KCNQ5: variants seen among roughly 807,000 people sequenced by gnomAD.
KCNQ5 encodes the protein potassium voltage-gated channel subfamily Q member 5, also known as potassium voltage-gated channel subfamily KQT member 5.
In KCNQ5, 30 loss-of-function variants were observed where a neutral mutation model predicts 98.2. The ratio of observed to expected loss-of-function variants is 0.31; its 90% CI spans 0.23 to 0.41. The LOEUF (loss-of-function observed/expected upper bound fraction) is 0.41, where lower values mean the gene tolerates loss of function less well. Ranked by LOEUF, KCNQ5 falls within the 10% of genes least tolerant of loss-of-function variation. The pLI is 1.00. For missense variants in KCNQ5, 835 were observed against 1,182.5 expected, an observed-to-expected ratio of 0.71 and a Z score of 4.31; for synonymous variants, 458 against 449.4, an observed-to-expected ratio of 1.02 and a Z score of -0.24.
intron 1 of KCNQ5, among the ~76,000 whole-genome samples, chr6:72,732,039 G>A (rs564179119): frequency 2.0e-5 from 3 of 152,314 alleles, no homozygotes; most frequent in South Asian, 4.1e-4. Flanking sequence ...GTGTTCAAGA[G>A]TAATTGAATC....
chr6:73,016,581 T>C lies in KCNQ5; in HGVS notation c.489+12583T>C, dbSNP rs542017711. Among the ~76,000 whole-genome samples the C allele has an allele frequency of 4.6e-5, 7 of 152,202 alleles. No homozygotes were observed. In the South Asian group the frequency reaches 1.2e-3, roughly 27 times the overall value. The stretch of plus-strand genomic sequence containing the variant: ...ATTCAGACAATATGCAGGACCTGAC[T>C]TTAGAATGGACTAGAGCAGAGAGTA... On this transcript the variant is annotated intron_variant, in intron 2 of 13. Coordinates refer to ENST00000370398, the MANE Select transcript of KCNQ5 (RefSeq NM_019842.4).
At chr6:73,050,125 G>A (rs1386278025) in intron 3 of KCNQ5, among the ~76,000 whole-genome samples, 1 of 152,136 alleles carries the variant, frequency 6.6e-6, no homozygotes, top group Non-Finnish European at 1.5e-5. Flanking sequence ...GCTGATAGGA[G>A]AAGGTAACTT....
chr6:72,690,952 G>T (rs1177216672), intron 1 of KCNQ5, among the ~76,000 whole-genome samples: 1 of 151,862 alleles, frequency 6.6e-6, no homozygotes, highest in Non-Finnish European at 1.5e-5. Flanking sequence ...ATTTCCTAAA[G>T]AATTGTTATA....
chr6:72,740,964 C>T (rs1290487643), intron 1 of KCNQ5, among the ~76,000 whole-genome samples: 1 of 152,094 alleles, frequency 6.6e-6, no homozygotes, highest in East Asian at 1.9e-4. Context: ...GTGTAATGAC[C>T]CTTGGTGCCA....
At chr6:73,045,091 G>A (rs1210028436) in intron 3 of KCNQ5, among the ~76,000 whole-genome samples, 2 of 152,120 alleles carry the variant, frequency 1.3e-5, no homozygotes, top group Non-Finnish European at 2.9e-5. Context: ...CCAATTGATA[G>A]AGGTTTTATG....
intron 1 of KCNQ5, among the ~76,000 whole-genome samples, chr6:72,857,459 C>G (rs1777580155): frequency 2.0e-5 from 3 of 152,106 alleles, no homozygotes; most frequent in African/African-American, 7.2e-5. Flanking sequence ...TGACTATATG[C>G]TTCTAATGTC....
At position 73,133,610 on chromosome 6, in the gene KCNQ5, C is replaced by G. The variant is rs756204149; in HGVS notation, c.1437C>G (p.Leu479=). ...CCCGCTTCCGGCCCTCGCTGCGCCT[C>G]AAAAGTTCTCAGCCAAAACCAGTGA... ...DRTRFRPSLR[L]KSSQPKPVID... Residue 479 remains leucine, a synonymous_variant, in exon 10 of 14, where the codon CTC becomes CTG. Coordinates refer to ENST00000370398, the MANE Select transcript of KCNQ5 (RefSeq NM_019842.4). The G allele has an allele frequency of 8.7e-6, 14 of 1,614,086 alleles. No homozygotes were observed. The highest frequency in any genetic ancestry group is 1.3e-5 in the African/African-American group (1 of 74,926).
chr6:72,983,653 A>T (rs577025888), intron 1 of KCNQ5, among the ~76,000 whole-genome samples: 12 of 152,230 alleles, frequency 7.9e-5, no homozygotes, highest in Middle Eastern at 3.4e-3. Context: ...GTTATTACCA[A>T]CCTTCTGAAG....
At chr6:73,011,913 A>C (rs1770078840) in intron 2 of KCNQ5, among the ~76,000 whole-genome samples, 1 of 152,066 alleles carries the variant, frequency 6.6e-6, no homozygotes, top group South Asian at 2.1e-4. Flanking sequence ...TCAAAACTAC[A>C]CTGAGTACCA....
intron 1 of KCNQ5, among the ~76,000 whole-genome samples, chr6:72,672,171 A>G (rs1308895367): frequency 1.3e-5 from 2 of 149,238 alleles, no homozygotes; most frequent in Non-Finnish European, 3.0e-5. Context: ...GCTGGAGTGC[A>G]GTGACATGAT....
intron 5 of KCNQ5, among the ~76,000 whole-genome samples, chr6:73,078,230 A>G (rs1773614712): frequency 6.6e-6 from 1 of 151,906 alleles, no homozygotes; most frequent in African/African-American, 2.4e-5. Flanking sequence ...TAAATGATCA[A>G]TTGTTGCATT....
intron 1 of KCNQ5, chr6:72,986,433 C>G: frequency 2.2e-6 from 1 of 460,572 alleles, no homozygotes. Context: ...GGTCAAAGAA[C>G]CAGAGACTCA....
At chr6:72,848,838 T>TGA (rs1172140239) in intron 1 of KCNQ5, among the ~76,000 whole-genome samples, 2 of 152,312 alleles carry the variant, frequency 1.3e-5, no homozygotes, top group Admixed American at 1.3e-4. Flanking sequence ...TCCTTGCTGC[T>TGA]GCCATGTGAA....
rs70994155 is a variant in KCNQ5 at position 73,035,985 on chromosome 6, TTGTGTGTGTGTGTG to T, written c.490-5919_490-5906del. ...TTTCTCCAGTTTTACTTGAATACAT[TTGTGTGTGTGTGTG>T]TGTGTGTGTGTGTGTGTGTGTGTGT... is the stretch of plus-strand genomic sequence containing the variant. On this transcript the variant is annotated intron_variant, in intron 2 of 13. Transcript: ENST00000370398. 6.8e-4 allele frequency among the ~76,000 whole-genome samples: 95 copies of T among 140,536 alleles called. 1 individual carries two copies. In the South Asian group the frequency reaches 7.0e-3, roughly 10 times the overall value. 92.2% of individuals were successfully genotyped at this position (140,536 alleles called of 152,430 possible).
intron 1 of KCNQ5, among the ~76,000 whole-genome samples, chr6:72,669,904 T>G (rs1217915247): frequency 6.7e-6 from 1 of 149,766 alleles, no homozygotes; most frequent in Non-Finnish European, 1.5e-5. Context: ...AAACAAACTT[T>G]CTTTCCTTTT....
chr6:72,785,728 T>C (rs1773706269), intron 1 of KCNQ5, among the ~76,000 whole-genome samples: 1 of 152,070 alleles, frequency 6.6e-6, no homozygotes, highest in South Asian at 2.1e-4. Flanking sequence ...AGAATTTGTG[T>C]ATTTTTCTCA....
At chr6:72,914,859 A>T (rs1284890157) in intron 1 of KCNQ5, among the ~76,000 whole-genome samples, 1 of 151,816 alleles carries the variant, frequency 6.6e-6, no homozygotes, top group African/African-American at 2.4e-5. Flanking sequence ...CCTGGGGTGG[A>T]GGTGGGAGCC....
intron 1 of KCNQ5, among the ~76,000 whole-genome samples, chr6:72,885,571 G>A (rs774978499): frequency 6.6e-6 from 1 of 152,176 alleles, no homozygotes; most frequent in Non-Finnish European, 1.5e-5. Flanking sequence ...TATGTACTCT[G>A]AAAATCCTTT....
At chr6:72,756,305 CT>C (rs1287771361) in intron 1 of KCNQ5, among the ~76,000 whole-genome samples, 2 of 152,142 alleles carry the variant, frequency 1.3e-5, no homozygotes, top group Non-Finnish European at 2.9e-5. Context: ...CATCTTCTGG[CT>C]TTTGGTCATT....
Sources: gnomAD v4.1 joint callset for allele counts (sites outside exome capture counted in the v4.1 genomes callset) on GRCh38, gnomAD v4.1.1 for gene constraint, MANE v1.5 for transcripts, NCBI Gene and HGNC (gene_info 2026-07-23, HGNC 2026-07-21) for gene names.